The following OR1F1 variants were observed in gnomAD, a reference collection of about 807,000 sequenced individuals.
OR1F1 encodes the protein olfactory receptor 1F1.
For synonymous variants in OR1F1, 184 were observed against 156.7 expected (o/e 1.17, Z -1.30); for missense variants, 493 against 376.3 (o/e 1.31, Z -2.57).
At chr16:3,204,758 A>G in exon 1 of OR1F1, 1 of 1,614,146 alleles carries the variant, frequency 6.2e-7, no homozygotes, top group Non-Finnish European at 8.5e-7. Context: ...TTCTGTGCAG[A>G]CAATGCCATC....
chr16:3,201,227 A>C (rs987095903), upstream of OR1F1, among the ~76,000 whole-genome samples: 2 of 152,164 alleles, frequency 1.3e-5, no homozygotes, highest in African/African-American at 4.8e-5. Flanking sequence ...TCATCTGTTG[A>C]TGGATACTTG....
At chr16:3,203,557 A>G (rs74641543), upstream of OR1F1, among the ~76,000 whole-genome samples, 1,664 of 152,306 alleles carry the variant, frequency 0.011, 29 homozygotes, top group African/African-American at 0.038. Flanking sequence ...CGAGGTCAAG[A>G]GATAGAGACC....
chr16:3,191,427 TTC>T, the OR1F1 span: 1 of 152,116 alleles, frequency 6.6e-6, no homozygotes, highest in Non-Finnish European at 1.5e-5. Context: ...CTGGGGCTGA[TTC>T]ATTACGTCAC....
At chr16:3,204,210 C>T, upstream of OR1F1, 1 of 1,497,632 alleles carries the variant, frequency 6.7e-7, no homozygotes, top group African/African-American at 1.4e-5. Flanking sequence ...TGCATTTCGT[C>T]TTCTTTGTCT....
the OR1F1 span, among the ~76,000 whole-genome samples, chr16:3,194,644 G>C: frequency 8.3e-3 from 1,260 of 152,170 alleles, 21 homozygotes; most frequent in African/African-American, 0.029. Flanking sequence ...AGGAGAGGAG[G>C]GGAGAAAAAA....
chr16:3,204,237 TC>T (rs1958171565), upstream of OR1F1: 3 of 1,581,682 alleles, frequency 1.9e-6, no homozygotes, highest in Non-Finnish European at 2.6e-6. Flanking sequence ...GTGTCCAGGA[TC>T]CCAGGCCCAT....
chr16:3,188,417 A>C, the OR1F1 span: 2 of 152,242 alleles, frequency 1.3e-5, no homozygotes, highest in African/African-American at 4.8e-5. Context: ...CGCCGGGCTC[A>C]TTGGTCGCTA....
chr16:3,189,645 C>G, the OR1F1 span: 3 of 151,952 alleles, frequency 2.0e-5, no homozygotes, highest in South Asian at 6.2e-4. Context: ...GCTCGTTGGT[C>G]TAGGGGTATG....
At chr16:3,193,613 T>C in the OR1F1 span, among the ~76,000 whole-genome samples, 1 of 152,248 alleles carries the variant, frequency 6.6e-6, no homozygotes, top group South Asian at 2.1e-4. Context: ...ACTATTTTTT[T>C]TGAGACAGGA....
At chr16:3,193,947 GCCT>G in the OR1F1 span, among the ~76,000 whole-genome samples, 1 of 152,168 alleles carries the variant, frequency 6.6e-6, no homozygotes, top group East Asian at 1.9e-4. Flanking sequence ...TAAGGTACTG[GCCT>G]CCTAAGCCAG....
the OR1F1 span, among the ~76,000 whole-genome samples, chr16:3,195,505 C>T: frequency 4.0e-5 from 6 of 151,878 alleles, no homozygotes; most frequent in African/African-American, 1.5e-4. Context: ...CATGGTGAAA[C>T]CCTGTCTCTA....
chr16:3,202,080 G>A (rs1423331113), upstream of OR1F1, among the ~76,000 whole-genome samples: 1 of 152,084 alleles, frequency 6.6e-6, no homozygotes, highest in Admixed American at 6.6e-5. Context: ...TTCTTTCCTG[G>A]GCAAAGCCAA....
chr16:3,193,941 G>T, the OR1F1 span, among the ~76,000 whole-genome samples: 1 of 152,156 alleles, frequency 6.6e-6, no homozygotes, highest in Non-Finnish European at 1.5e-5. Flanking sequence ...GATGGATAAG[G>T]TACTGGCCTC....
the OR1F1 span, among the ~76,000 whole-genome samples, chr16:3,197,308 T>A: frequency 5.9e-5 from 9 of 152,118 alleles, no homozygotes; most frequent in Non-Finnish European, 1.2e-4. Context: ...TGTGAGCCAC[T>A]GTGCCCAGCC....
the OR1F1 span, among the ~76,000 whole-genome samples, chr16:3,190,303 C>G: frequency 6.6e-6 from 1 of 152,198 alleles, no homozygotes; most frequent in Admixed American, 6.5e-5. Context: ...CCCGGGTACC[C>G]CGTCCTGAGT....
the OR1F1 span, among the ~76,000 whole-genome samples, chr16:3,195,871 C>G: frequency 1.3e-5 from 2 of 152,158 alleles, no homozygotes; most frequent in African/African-American, 4.8e-5. Flanking sequence ...CATCTGGGCA[C>G]ACCTTGGGAC....
In OR1F1 at chr16:3,205,082, C is replaced by T. The variant is rs750521478; in HGVS notation, c.836C>T (p.Thr279Ile). The stretch of plus-strand genomic sequence containing the variant: ...GACACTATGGCTACTGTGTTGTATA[C>T]AGTAGTGACTCCCATGCTAAACCCT... The change falls in exon 1 of 1, where the codon ACA (threonine) becomes ATA (isoleucine). Residue 279 changes from threonine to isoleucine, a missense_variant. Physicochemically the swap from Thr to Ile is moderately conservative, Grantham distance 89 (BLOSUM62 -1). Coordinates refer to ENST00000304646, the Ensembl canonical transcript of OR1F1. The T allele has an allele frequency of 6.2e-7, 1 of 1,614,024 alleles. No homozygotes were observed. Among genetic ancestry groups the T allele is most frequent in the East Asian group, 2.2e-5 (1 of 44,874 alleles).
chr16:3,204,786 T>C (rs1054611737), exon 1 of OR1F1: 1 of 1,614,096 alleles, frequency 6.2e-7, no homozygotes, highest in Admixed American at 1.7e-5. Flanking sequence ...TCTTCTGCGA[T>C]GTGACTCCCC....
chr16:3,192,778 C>T, the OR1F1 span, among the ~76,000 whole-genome samples: 1 of 151,408 alleles, frequency 6.6e-6, no homozygotes, highest in Non-Finnish European at 1.5e-5. Flanking sequence ...TGAGTCGCGG[C>T]GCTCGGCCCT....
Sources: gnomAD v4.1 joint callset for allele counts (sites outside exome capture counted in the v4.1 genomes callset) on GRCh38, gnomAD v4.1.1 for gene constraint, MANE v1.5 for transcripts, NCBI Gene and HGNC (gene_info 2026-07-23, HGNC 2026-07-21) for gene names.